USP31: variants seen among roughly 807,000 people sequenced by gnomAD.
USP31 encodes the protein ubiquitin specific peptidase 31, also known as ubiquitin carboxyl-terminal hydrolase 31.
USP31 carries 44 observed loss-of-function variants against 119.4 expected under a neutral mutation model. That is an observed-to-expected ratio of 0.37 (90% CI 0.29 to 0.47). USP31 has a LOEUF of 0.47. Ranked by LOEUF, USP31 falls within the 20% of genes least tolerant of loss-of-function variation. The pLI, the probability that USP31 is intolerant of heterozygous loss-of-function variation, is 0.99. For missense variants in USP31, 1,643 were observed against 1,730.2 expected (o/e 0.95, Z 0.89); for synonymous variants, 749 against 705.6 (o/e 1.06, Z -0.97).
Position 23,108,088 on chromosome 16 carries a change from G to A in USP31, c.729C>T (p.Asp243=). ...CACTCTGCTTCACTGAATGGTTGAG[G>A]TCTTCATGAACTCGGTCCAAAAGCC... The part of the protein sequence containing the change: ...LLWLLDRVHE[D]LNHSVKQSGQ... Residue 243 remains aspartate, a synonymous_variant, in exon 2 of 16, where the codon GAC becomes GAT. Coordinates refer to ENST00000219689, the MANE Select transcript of USP31 (RefSeq NM_020718.4). 1 of 1,614,034 alleles carries A rather than the reference G, an allele frequency of 6.2e-7. No homozygotes were observed.
Position 23,067,913 on chromosome 16 carries a change from T to TCACACA in USP31, c.*127_*132dup, listed in dbSNP as rs113946424. 0.064 allele frequency: 65,000 copies of TCACACA among 1,016,608 alleles called. 1,271 individuals are homozygous for TCACACA. Among genetic ancestry groups the TCACACA allele is most frequent in the Middle Eastern group, 0.077 (232 of 3,000 alleles). 63.0% of individuals were successfully genotyped at this position (1,016,608 alleles called of 1,614,324 possible). A position where few individuals can be genotyped will look rare whatever the true frequency, so the allele number is the denominator to read the frequency against. ...GAATTAGACACACACACGCATACAC[T>TCACACA]CACACACACACACACAGTCGGGCAC... On this transcript the variant is annotated 3_prime_UTR_variant, in exon 16 of 16. Coordinates refer to ENST00000219689, the MANE Select transcript of USP31 (RefSeq NM_020718.4).
At chr16:23,107,974 A>G in intron 2 of USP31, 72 bp downstream of exon 2, 2 of 1,511,102 alleles carry the variant, frequency 1.3e-6, no homozygotes, top group Non-Finnish European at 1.8e-6. Context: ...ACGCAATGCA[A>G]CAAGTCCTCA....
chr16:23,068,327 T>TA lies in USP31; in HGVS notation c.3777dup (p.Lys1260Ter), dbSNP rs1248196504. 3.7e-6 allele frequency: 6 copies of TA among 1,614,136 alleles called. No homozygotes were observed. The East Asian group carries it at 8.9e-5, about 24-fold the overall frequency. On this transcript the variant is annotated frameshift_variant, in exon 16 of 16. Coordinates refer to ENST00000219689, the MANE Select transcript of USP31 (RefSeq NM_020718.4). LOFTEE classifies it high-confidence loss of function. ...TCCCCGGTGTTCTTACAGACAGACTTAACAGAGCTCCCACCAGCCTTTTTA... is the reference window on the plus strand; with the variant it reads ...TCCCCGGTGTTCTTACAGACAGACTTAAACAGAGCTCCCACCAGCCTTTTTA...
chr16:23,107,322 G>C (rs953440346), intron 2 of USP31, among the ~76,000 whole-genome samples: 1 of 152,156 alleles, frequency 6.6e-6, no homozygotes, highest in Non-Finnish European at 1.5e-5. Context: ...ATAAGACCCA[G>C]TGCCTGACCT....
In USP31 at chr16:23,149,022, G is replaced by A; in HGVS notation, c.249C>T (p.Ala83=). 1 of 1,165,876 alleles carries A rather than the reference G, an allele frequency of 8.6e-7. No individual in the cohort carries two copies. The highest frequency in any genetic ancestry group is 1.1e-6 in the Non-Finnish European group (1 of 926,032). 72.2% of individuals were successfully genotyped at this position (1,165,876 alleles called of 1,614,324 possible). A position where few individuals can be genotyped will look rare whatever the true frequency, so the allele number is the denominator to read the frequency against. The change falls in exon 1 of 16, where the codon GCC becomes GCT. Residue 83 remains alanine, a synonymous_variant. Coordinates refer to ENST00000219689, the MANE Select transcript of USP31 (RefSeq NM_020718.4). ...TGCGGAGGCCGCCGCGGTCTGGGGCGGCGCCCTCAGAGCTAAGGTGCGAGA... is the reference window on the plus strand; with the variant it reads ...TGCGGAGGCCGCCGCGGTCTGGGGCAGCGCCCTCAGAGCTAAGGTGCGAGA... The part of the protein sequence containing the change: ...STLSHLSSEG[A]APDRGGLRSC...
In USP31 at chr16:23,066,178, G is replaced by C. The variant is rs1900060137; in HGVS notation, c.*1868C>G. 1 of 152,406 alleles carries C rather than the reference G, an allele frequency of 6.6e-6. No homozygotes were observed. The highest frequency in any genetic ancestry group is 1.5e-5 in the Non-Finnish European group (1 of 68,038). 9.4% of individuals were successfully genotyped at this position (152,406 alleles called of 1,614,324 possible). On this transcript the variant is annotated 3_prime_UTR_variant, in exon 16 of 16. Coordinates refer to ENST00000219689, the MANE Select transcript of USP31 (RefSeq NM_020718.4). The stretch of plus-strand genomic sequence containing the variant: ...GACAGCGAGTGAAGAAGTGAGTACA[G>C]GGCTGAGTGCAATGGACAACAGGCT...
intron 6 of USP31, 141 bp downstream of exon 6, chr16:23,102,178 T>C: frequency 1.0e-6 from 1 of 958,296 alleles, no homozygotes; most frequent in Non-Finnish European, 1.4e-6. Flanking sequence ...TTTTTACCAT[T>C]ATACCATCAT....
rs764205645 is a variant in USP31, at chr16:23,068,195, A to T, written c.3910T>A (p.Ser1304Thr). ...TTGGATTTGCGAGCGGACAGCAGGG[A>T]ATGTTTGGCAGAAGCAGGGTCCTTG... is the stretch of plus-strand genomic sequence containing the variant. ...VTKDPASAKH[S>T]LLSARKSKSS... is the part of the protein sequence containing the mutation. Residue 1304 changes from serine to threonine, a missense_variant, in exon 16 of 16, where the codon TCC becomes ACC. Physicochemically the swap from Ser to Thr is moderately conservative, Grantham distance 58 (BLOSUM62 1). Transcript: ENST00000219689. 1 of 1,614,122 alleles carries T rather than the reference A, an allele frequency of 6.2e-7. No homozygotes were observed. The highest frequency in any genetic ancestry group is 1.1e-5 in the South Asian group (1 of 91,074).
chr16:23,077,057 C>T (rs1241528230), intron 13 of USP31, among the ~76,000 whole-genome samples: 1 of 152,204 alleles, frequency 6.6e-6, no homozygotes, highest in Admixed American at 6.5e-5. Flanking sequence ...CTATTATCAT[C>T]ATTGAAATAT....
chr16:23,091,762 A>G (rs1901373204), intron 6 of USP31, among the ~76,000 whole-genome samples: 1 of 152,250 alleles, frequency 6.6e-6, no homozygotes. Flanking sequence ...CATACAAACT[A>G]GAAATAAGAA....
chr16:23,072,870 CTGAG>C (rs1900403877), intron 14 of USP31, among the ~76,000 whole-genome samples: 1 of 151,988 alleles, frequency 6.6e-6, no homozygotes, highest in Admixed American at 6.6e-5. Context: ...GCTGTGTTAA[CTGAG>C]TGAGTGGCTG....
chr16:23,117,389 T>C (rs1254464061), intron 1 of USP31, among the ~76,000 whole-genome samples: 6 of 152,182 alleles, frequency 3.9e-5, no homozygotes, highest in Non-Finnish European at 7.4e-5. Context: ...TAACGACTAG[T>C]AAAGTATGCA....
At chr16:23,147,924 C>T (rs1052855972) in intron 1 of USP31, among the ~76,000 whole-genome samples, 1 of 152,146 alleles carries the variant, frequency 6.6e-6, no homozygotes, top group Non-Finnish European at 1.5e-5. Context: ...GAGCAAGACC[C>T]TGTCTCTAAA....
At chr16:23,122,286 T>C (rs746247718) in intron 1 of USP31, among the ~76,000 whole-genome samples, 6 of 152,286 alleles carry the variant, frequency 3.9e-5, no homozygotes, top group East Asian at 3.9e-4. Context: ...CCTACTCAAA[T>C]GGCTATAATG....
Position 23,068,713 on chromosome 16 carries a change from T to C in USP31, c.3392A>G (p.Lys1131Arg), listed in dbSNP as rs766002030. ...LTYTASSTSAKKASGPATRSP... is the reference protein window; with the variant it reads ...LTYTASSTSARKASGPATRSP... ...CCTTGTGGCAGGGCCCGAGGCCTTT[T>C]TGGCAGATGTGGAGGAAGCAGTGTA... The change falls in exon 16 of 16, where the codon AAA becomes AGA. Residue 1131 changes from lysine (K) to arginine (R), a missense_variant. Transcript: ENST00000219689. 16 of 1,612,936 alleles carry C rather than the reference T, an allele frequency of 9.9e-6. No individual in the cohort carries two copies. The highest frequency in any genetic ancestry group is 1.3e-5 in the African/African-American group (1 of 74,878).
At chr16:23,135,769 C>T (rs553792733) in intron 1 of USP31, among the ~76,000 whole-genome samples, 1 of 152,270 alleles carries the variant, frequency 6.6e-6, no homozygotes, top group South Asian at 2.1e-4. Context: ...AATCAATCTA[C>T]ATATTCAAGG....
At chr16:23,088,394 C>A (rs1341433384) in intron 7 of USP31, among the ~76,000 whole-genome samples, 2 of 152,124 alleles carry the variant, frequency 1.3e-5, no homozygotes, top group Non-Finnish European at 2.9e-5. Flanking sequence ...TAATGATGCC[C>A]AAGTCCAGCC....
At chr16:23,143,447 G>A (rs1357786384) in intron 1 of USP31, among the ~76,000 whole-genome samples, 2 of 152,108 alleles carry the variant, frequency 1.3e-5, no homozygotes, top group Non-Finnish European at 2.9e-5. Context: ...TGTATTCAAA[G>A]TGATTTATTT....
Position 23,065,322 on chromosome 16 carries a change from T to TAAAAAAAAAA in USP31, c.*2714_*2723dup, listed in dbSNP as rs575145264. The TAAAAAAAAAA allele has an allele frequency of 9.2e-6, 1 of 108,850 alleles. No homozygotes were observed. The highest frequency in any genetic ancestry group is 2.0e-5 in the Non-Finnish European group (1 of 51,044). 6.7% of individuals were successfully genotyped at this position (108,850 alleles called of 1,614,324 possible). On this transcript the variant is annotated 3_prime_UTR_variant, in exon 16 of 16. Transcript: ENST00000219689. ...TTGTGCTAAATATTGCTGGGAAAAT[T>TAAAAAAAAAA]AAAAAAAAAAAAAAAAAGAAAAGAA...
Sources: gnomAD v4.1 joint callset for allele counts (sites outside exome capture counted in the v4.1 genomes callset) on GRCh38, gnomAD v4.1.1 for gene constraint, MANE v1.5 for transcripts, NCBI Gene and HGNC (gene_info 2026-07-23, HGNC 2026-07-21) for gene names.